Variants in STAT1 observed in about 807,000 individuals in gnomAD.
STAT1 encodes signal transducer and activator of transcription 1, also known as signal transducer and activator of transcription 1-alpha/beta.
STAT1 carries 24 observed loss-of-function variants against 111.7 expected under a neutral mutation model. The observed-to-expected ratio is 0.21, with a 90% confidence interval of 0.16 to 0.30. STAT1 has a LOEUF of 0.30. STAT1 is among the 10% of genes least tolerant of loss of function. STAT1 has a pLI of 1.00. For synonymous variants in STAT1, 332 were observed against 326.5 expected (o/e 1.02, Z -0.18); for missense variants, 351 against 911.9 (o/e 0.38, Z 7.92).
Position 190,995,186 on chromosome 2 carries a change from A to T in STAT1, c.819T>A (p.Val273=). The T allele has an allele frequency of 6.2e-7, 1 of 1,614,002 alleles. No individual in the cohort carries two copies. The highest frequency in any genetic ancestry group is 8.5e-7 in the Non-Finnish European group (1 of 1,180,004). Residue 273 remains valine (V), a synonymous_variant, in exon 10 of 25, where the codon GTT becomes GTA. Coordinates refer to ENST00000361099, the MANE Select transcript of STAT1 (RefSeq NM_007315.4). This position sits in a 1 kb window ranked among gnomAD's most constrained non-coding sequence, Gnocchi z 4.2. ...FTIVAESLQQ[V]RQQLKKLEEL... ...CCTCCAACTTTTTAAGCTGCTGCCG[A>T]ACTTGCTGCAGACTCTCCGCAACTA... is the stretch of plus-strand genomic sequence containing the variant.
rs940182734 is a variant in STAT1, at chr2:191,012,971, G to A, written c.-2+554C>T. Among the ~76,000 whole-genome samples, 1 of 152,192 alleles carries A rather than the reference G, an allele frequency of 6.6e-6. No individual in the cohort carries two copies. The highest frequency in any genetic ancestry group is 2.4e-5 in the African/African-American group (1 of 41,434). ...TACCTCTATTAGAGCATCGGTTCCA[G>A]TTTTCCTTGTAAAGCTCTGTGATGC... On this transcript the variant is annotated intron_variant, in intron 2 of 24. Transcript: ENST00000361099. The surrounding 1 kb of genome is among the most constrained non-coding windows in gnomAD (Gnocchi z 4.0).
At position 190,986,721 on chromosome 2, in the gene STAT1, G is replaced by T; in HGVS notation, c.1221+133C>A. 1 of 852,426 alleles carries T rather than the reference G, an allele frequency of 1.2e-6. No individual in the cohort carries two copies. The highest frequency in any genetic ancestry group is 2.0e-6 in the Non-Finnish European group (1 of 503,342). The allele number at this position is 852,426 out of a possible 1,614,324, so 52.8% of individuals were successfully genotyped here. A position where few individuals can be genotyped will look rare whatever the true frequency, so the allele number is the denominator to read the frequency against. On this transcript the variant is annotated intron_variant, in intron 14 of 24. Coordinates refer to ENST00000361099, the MANE Select transcript of STAT1 (RefSeq NM_007315.4). This position sits in a 1 kb window ranked among gnomAD's most constrained non-coding sequence, Gnocchi z 5.0. ...ATGCCCCAAGTACTGGCGACAGGAA[G>T]ACACCAGCCACAAAGTCTACAAACC... is the stretch of plus-strand genomic sequence containing the variant.
In STAT1 at chr2:190,975,180, T is replaced by C. The variant is rs1691810620; in HGVS notation, c.2136-248A>G. ...GATAAGCAATAGCCAGACTGGAATCTGTGCCGCTTCTGCCTGGGTAAGCCT... is the reference window on the plus strand; with the variant it reads ...GATAAGCAATAGCCAGACTGGAATCCGTGCCGCTTCTGCCTGGGTAAGCCT... On this transcript the variant is annotated intron_variant, in intron 23 of 24. Transcript: ENST00000361099. This position sits in a 1 kb window ranked among gnomAD's most constrained non-coding sequence, Gnocchi z 5.9. 3.9e-6 allele frequency: 2 copies of C among 507,984 alleles called. No homozygotes were observed. Among genetic ancestry groups the C allele is most frequent in the South Asian group, 3.7e-5 (2 of 54,438 alleles). 31.5% of individuals were successfully genotyped at this position (507,984 alleles called of 1,614,324 possible). A position where few individuals can be genotyped will look rare whatever the true frequency, so the allele number is the denominator to read the frequency against.
At position 190,997,550 on chromosome 2, in the gene STAT1, A is replaced by AC. The variant is rs1242720077; in HGVS notation, c.785+305dup. ...CTCAAGCTATCTTGTTTTTAAGGAA[A>AC]CATTAAGAGTCAAGTCATTAAATGT... On this transcript the variant is annotated intron_variant, in intron 9 of 24. Coordinates refer to ENST00000361099, the MANE Select transcript of STAT1 (RefSeq NM_007315.4). The surrounding 1 kb of genome is among the most constrained non-coding windows in gnomAD (Gnocchi z 7.3). Among the ~76,000 whole-genome samples the AC allele has an allele frequency of 6.6e-6, 1 of 152,178 alleles. No individual in the cohort carries two copies. The highest frequency in any genetic ancestry group is 1.5e-5 in the Non-Finnish European group (1 of 68,032).
chr2:191,002,756 G>C (rs1694369518), intron 5 of STAT1, among the ~76,000 whole-genome samples: 1 of 152,074 alleles, frequency 6.6e-6, no homozygotes, highest in Admixed American at 6.6e-5. Context: ...TCCCAGTTAG[G>C]TAAGATACTG....
rs1200412744 is a variant in STAT1, at chr2:190,970,423, T to C, written c.*280A>G. 2 of 514,564 alleles carry C rather than the reference T, an allele frequency of 3.9e-6. No homozygotes were observed. The highest frequency in any genetic ancestry group is 3.5e-5 in the East Asian group (1 of 28,348). The allele number at this position is 514,564 out of a possible 1,614,324, so 31.9% of individuals were successfully genotyped here. A position where few individuals can be genotyped will look rare whatever the true frequency, so the allele number is the denominator to read the frequency against. On this transcript the variant is annotated 3_prime_UTR_variant, in exon 25 of 25. Transcript: ENST00000361099. The surrounding 1 kb of genome is among the most constrained non-coding windows in gnomAD (Gnocchi z 5.4). ...CTTTCCCAAAGGACCCTCATTCTCG[T>C]CCTGATACTTTGGGTGTATCTGGAT...
At position 190,984,596 on chromosome 2, in the gene STAT1, G is replaced by A. The variant is rs928369120; in HGVS notation, c.1264-203C>T. 2.6e-5 allele frequency among the ~76,000 whole-genome samples: 4 copies of A among 152,246 alleles called. No individual in the cohort carries two copies. Among genetic ancestry groups the A allele is most frequent in the Admixed American group, 6.5e-5 (1 of 15,300 alleles). On this transcript the variant is annotated intron_variant, in intron 15 of 24. Coordinates refer to ENST00000361099, the MANE Select transcript of STAT1 (RefSeq NM_007315.4). This position sits in a 1 kb window ranked among gnomAD's most constrained non-coding sequence, Gnocchi z 5.2. ...CTGAAAGATAAGTGTCTGAAGTTAC[G>A]GCAAGGGTTATAGATTCAGAGCAAT...
In STAT1 at chr2:190,978,757, A is replaced by G; in HGVS notation, c.1873+99T>C. 6.7e-7 allele frequency: 1 copy of G among 1,492,212 alleles called. No individual in the cohort carries two copies. Among genetic ancestry groups the G allele is most frequent in the Admixed American group, 1.9e-5 (1 of 51,828 alleles). 92.4% of individuals were successfully genotyped at this position (1,492,212 alleles called of 1,614,324 possible). A position where few individuals can be genotyped will look rare whatever the true frequency, so the allele number is the denominator to read the frequency against. On this transcript the variant is annotated intron_variant, in intron 21 of 24. Coordinates refer to ENST00000361099, the MANE Select transcript of STAT1 (RefSeq NM_007315.4). The surrounding 1 kb of genome is among the most constrained non-coding windows in gnomAD (Gnocchi z 6.1). The stretch of plus-strand genomic sequence containing the variant: ...GGGTAAGTATAAGATCTGCAATTTC[A>G]TGTCCCAAACGCACTATCTGTATGA...
rs1269216641 is a variant in STAT1, at chr2:190,997,359, T to TC, written c.785+496dup. ...CACACGAATTATTACCATGTCTACA[T>TC]CCCCCCCTCCACACTGAGAACTCCT... On this transcript the variant is annotated intron_variant, in intron 9 of 24. Coordinates refer to ENST00000361099, the MANE Select transcript of STAT1 (RefSeq NM_007315.4). The surrounding 1 kb of genome is among the most constrained non-coding windows in gnomAD (Gnocchi z 7.3). Among the ~76,000 whole-genome samples, 2 of 151,674 alleles carry TC rather than the reference T, an allele frequency of 1.3e-5. No individual in the cohort carries two copies. Among genetic ancestry groups the TC allele is most frequent in the African/African-American group, 4.9e-5 (2 of 41,218 alleles).
Position 190,975,346 on chromosome 2 carries a change from G to C in STAT1, c.2136-414C>G, listed in dbSNP as rs1261482317. On this transcript the variant is annotated intron_variant, in intron 23 of 24. Transcript: ENST00000361099. This position sits in a 1 kb window ranked among gnomAD's most constrained non-coding sequence, Gnocchi z 5.9. ...AATGCAGATAAAGCTGCTCCACACA[G>C]TGTTTTTACATGAAGGCTACATCCA... The C allele has an allele frequency of 1.0e-5, 5 of 484,044 alleles. No individual in the cohort carries two copies. The highest frequency in any genetic ancestry group is 1.7e-5 in the Non-Finnish European group (4 of 237,292). The allele number at this position is 484,044 out of a possible 1,614,324, so 30.0% of individuals were successfully genotyped here.
chr2:190,976,820 C>G lies in STAT1; in HGVS notation c.2059+20G>C. 1 of 1,609,990 alleles carries G rather than the reference C, an allele frequency of 6.2e-7. No individual in the cohort carries two copies. The highest frequency in any genetic ancestry group is 8.5e-7 in the Non-Finnish European group (1 of 1,176,242). On this transcript the variant is annotated intron_variant, in intron 22 of 24. Coordinates refer to ENST00000361099, the MANE Select transcript of STAT1 (RefSeq NM_007315.4). This position sits in a 1 kb window ranked among gnomAD's most constrained non-coding sequence, Gnocchi z 6.0. Reference sequence around the variant, plus strand: ...AGGAAAGACTGTGCCACGCTGTTACCACCTGCTTGCCCCACTTACCTTCCT... The same window carrying G: ...AGGAAAGACTGTGCCACGCTGTTACGACCTGCTTGCCCCACTTACCTTCCT...
At position 190,986,959 on chromosome 2, in the gene STAT1, A is replaced by G. The variant is rs1397808774; in HGVS notation, c.1128-12T>C. ...TGAACTTCCTAAATCTATACAATAT[A>G]GGAAAGAAATGCTGAAAAGTCTTCC... On this transcript the variant is annotated splice_polypyrimidine_tract_variant and intron_variant, in intron 13 of 24. Transcript: ENST00000361099. This position sits in a 1 kb window ranked among gnomAD's most constrained non-coding sequence, Gnocchi z 5.0. 1 of 1,613,830 alleles carries G rather than the reference A, an allele frequency of 6.2e-7. No homozygotes were observed. The highest frequency in any genetic ancestry group is 8.5e-7 in the Non-Finnish European group (1 of 1,179,792).
Position 190,980,786 on chromosome 2 carries a change from G to T in STAT1, c.1583-117C>A. 1.0e-6 allele frequency: 1 copy of T among 983,918 alleles called. No homozygotes were observed. Among genetic ancestry groups the T allele is most frequent in the Non-Finnish European group, 1.6e-6 (1 of 622,976 alleles). The allele number at this position is 983,918 out of a possible 1,614,324, so 60.9% of individuals were successfully genotyped here. On this transcript the variant is annotated intron_variant, in intron 18 of 24. Coordinates refer to ENST00000361099, the MANE Select transcript of STAT1 (RefSeq NM_007315.4). The surrounding 1 kb of genome is among the most constrained non-coding windows in gnomAD (Gnocchi z 6.1). ...AAGAGCCAAACACCCAACAAAGATT[G>T]TATGTACACAGTTGACATTTTCGGA...
rs189200520 is a variant in STAT1, at chr2:191,012,158, A to T, written c.-2+1367T>A. Reference sequence around the variant, plus strand: ...GCTGGCCAGGTGGCTCACGCCTGTAATCCCAGCACTTTCGGAGGCCAAGGT... The same window carrying T: ...GCTGGCCAGGTGGCTCACGCCTGTATTCCCAGCACTTTCGGAGGCCAAGGT... On this transcript the variant is annotated intron_variant, in intron 2 of 24. Coordinates refer to ENST00000361099, the MANE Select transcript of STAT1 (RefSeq NM_007315.4). The surrounding 1 kb of genome is among the most constrained non-coding windows in gnomAD (Gnocchi z 4.0). 2.3e-4 allele frequency among the ~76,000 whole-genome samples: 35 copies of T among 151,450 alleles called. No homozygotes were observed. The East Asian group carries it at 6.9e-3, about 30-fold the overall frequency.
chr2:191,011,660 A>T (rs752140933), intron 2 of STAT1, among the ~76,000 whole-genome samples: 1 of 152,160 alleles, frequency 6.6e-6, no homozygotes, highest in Non-Finnish European at 1.5e-5. Context: ...TAACTGAATC[A>T]TGGGGGCAGT....
rs995099984 is a variant in STAT1 at position 191,012,636 on chromosome 2, A to G, written c.-2+889T>C. On this transcript the variant is annotated intron_variant, in intron 2 of 24. Transcript: ENST00000361099. This position sits in a 1 kb window ranked among gnomAD's most constrained non-coding sequence, Gnocchi z 4.0. ...TCCCAGTCCAGCCTCTGCTGCCCACAGATTGGACCACATCAATCTCCTGTG... is the reference window on the plus strand; with the variant it reads ...TCCCAGTCCAGCCTCTGCTGCCCACGGATTGGACCACATCAATCTCCTGTG... 1.3e-5 allele frequency among the ~76,000 whole-genome samples: 2 copies of G among 152,230 alleles called. No individual in the cohort carries two copies. Among genetic ancestry groups the G allele is most frequent in the Admixed American group, 1.3e-4 (2 of 15,302 alleles).
At position 190,984,101 on chromosome 2, in the gene STAT1, G is replaced by A. The variant is rs1313489343; in HGVS notation, c.1347+209C>T. On this transcript the variant is annotated intron_variant, in intron 16 of 24. Coordinates refer to ENST00000361099, the MANE Select transcript of STAT1 (RefSeq NM_007315.4). The surrounding 1 kb of genome is among the most constrained non-coding windows in gnomAD (Gnocchi z 5.2). The stretch of plus-strand genomic sequence containing the variant: ...AAAATTAACATCAGCGATCTCAACT[G>A]GAACTTTTAAGTTATTGAATTTGAA... Among the ~76,000 whole-genome samples, 1 of 151,822 alleles carries A rather than the reference G, an allele frequency of 6.6e-6. No individual in the cohort carries two copies.
rs113313095 is a variant in STAT1, at chr2:190,990,038, T to A, written c.1038-364A>T. On this transcript the variant is annotated intron_variant, in intron 11 of 24. Coordinates refer to ENST00000361099, the MANE Select transcript of STAT1 (RefSeq NM_007315.4). The surrounding 1 kb of genome is among the most constrained non-coding windows in gnomAD (Gnocchi z 5.1). ...ATTTATATGGGTAAAATAGCAAACA[T>A]TACTTTCTATTAAAACTTGTATCTA... Among the ~76,000 whole-genome samples the A allele has an allele frequency of 6.6e-6, 1 of 152,202 alleles. No individual in the cohort carries two copies. The highest frequency in any genetic ancestry group is 1.5e-5 in the Non-Finnish European group (1 of 68,028).
At position 190,986,097 on chromosome 2, in the gene STAT1, C is replaced by T. The variant is rs1425250512; in HGVS notation, c.1222-437G>A. Among the ~76,000 whole-genome samples the T allele has an allele frequency of 6.6e-6, 1 of 152,206 alleles. No homozygotes were observed. Among genetic ancestry groups the T allele is most frequent in the African/African-American group, 2.4e-5 (1 of 41,446 alleles). On this transcript the variant is annotated intron_variant, in intron 14 of 24. Transcript: ENST00000361099. This position sits in a 1 kb window ranked among gnomAD's most constrained non-coding sequence, Gnocchi z 5.0. ...GTCAATCCCTGAGCTGACGAGGGAG[C>T]AGGCTGGGGCCCTGAGGGCGGCTCT...
Sources: allele counts gnomAD v4.1 joint callset (sites outside exome capture counted in the v4.1 genomes callset), GRCh38; gene constraint gnomAD v4.1.1; non-coding constraint Gnocchi (gnomAD v3.1); transcripts MANE v1.5; gene names NCBI Gene and HGNC (gene_info 2026-07-23, HGNC 2026-07-21).